ATF4: variants seen among roughly 807,000 people sequenced by gnomAD.
ATF4 encodes the protein cyclic AMP-dependent transcription factor ATF-4.
A neutral mutation model predicts 21.0 loss-of-function variants in ATF4; 8 were observed. The ratio of observed to expected loss-of-function variants is 0.38; its 90% CI spans 0.22 to 0.69. The LOEUF (loss-of-function observed/expected upper bound fraction) is 0.69, where lower values mean the gene tolerates loss of function less well. ATF4 is among the 30% of genes least tolerant of loss of function. ATF4 has a pLI of 0.49. For synonymous variants in ATF4, 241 were observed against 166.4 expected (o/e 1.45, Z -3.45); for missense variants, 549 against 425.9 (o/e 1.29, Z -2.54).
chr22:39,520,999 T>A (rs866015097), intron 1 of ATF4: 1 of 155,340 alleles, frequency 6.4e-6, no homozygotes, highest in African/African-American at 2.4e-5. Context: ...CCCGCAAGGG[T>A]CCCAGGGGTC....
Position 39,522,266 on chromosome 22 carries a change from C to G in ATF4, c.720C>G (p.Gly240=), listed in dbSNP as rs1240837629. 2 of 1,607,222 alleles carry G rather than the reference C, an allele frequency of 1.2e-6. No homozygotes were observed. The highest frequency in any genetic ancestry group is 1.3e-5 in the African/African-American group (1 of 74,358). The change falls in exon 3 of 3, where the codon GGC becomes GGG. Residue 240 remains glycine (G), a synonymous_variant. Coordinates refer to ENST00000674920, the MANE Select transcript of ATF4 (RefSeq NM_182810.3). ...CTCAGCACAGCCCCTCTACCAGGGG[C>G]TCTCCAAATAGGAGCCTCCCATCTC... The part of the protein sequence containing the change: ...GSPQHSPSTR[G]SPNRSLPSPG...
rs528891567 is a variant in ATF4 at position 39,522,683 on chromosome 22, A to G, written c.*81A>G. On this transcript the variant is annotated 3_prime_UTR_variant, in exon 3 of 3. Transcript: ENST00000674920. Reference sequence around the variant, plus strand: ...TTCCAATAAATTATTTTGTAGGGAAAGTACTTGTGCGTTTGAATTCCTTTC... The same window carrying G: ...TTCCAATAAATTATTTTGTAGGGAAGGTACTTGTGCGTTTGAATTCCTTTC... 19 of 1,304,052 alleles carry G rather than the reference A, an allele frequency of 1.5e-5. No individual in the cohort carries two copies. The East Asian group carries it at 4.6e-4, about 31-fold the overall frequency. 80.8% of individuals were successfully genotyped at this position (1,304,052 alleles called of 1,614,324 possible). A position where few individuals can be genotyped will look rare whatever the true frequency, so the allele number is the denominator to read the frequency against.
chr22:39,521,278 C>T lies in ATF4; in HGVS notation c.-92-76C>T, dbSNP rs140650335. ...TCTAGATGGCCGATCTAGAGAAGTC[C>T]CGCCTCATAAGTGGAAGGATGAAAT... On this transcript the variant is annotated intron_variant, in intron 1 of 2. Coordinates refer to ENST00000674920, the MANE Select transcript of ATF4 (RefSeq NM_182810.3). 47 of 573,954 alleles carry T rather than the reference C, an allele frequency of 8.2e-5. No homozygotes were observed. In the East Asian group the frequency reaches 1.1e-3, roughly 13 times the overall value. 35.6% of individuals were successfully genotyped at this position (573,954 alleles called of 1,614,324 possible). A position where few individuals can be genotyped will look rare whatever the true frequency, so the allele number is the denominator to read the frequency against.
At position 39,521,942 on chromosome 22, in the gene ATF4, G is replaced by A. The variant is rs758837809; in HGVS notation, c.396G>A (p.Lys132=). The A allele has an allele frequency of 3.7e-6, 6 of 1,613,332 alleles. No homozygotes were observed. The East Asian group carries it at 8.9e-5, about 24-fold the overall frequency. ...LFAPLVQETN[K]QPPQTVNPIG... ...CCCCCCTAGTCCAGGAGACTAATAA[G>A]CAGCCCCCCCAGACGGTGAACCCAA... The change falls in exon 3 of 3, where the codon AAG becomes AAA. Residue 132 remains lysine, a synonymous_variant. Transcript: ENST00000674920.
Position 39,521,965 on chromosome 22 carries a change from C to G in ATF4, c.419C>G (p.Pro140Arg), listed in dbSNP as rs750690606. ...TNKQPPQTVNPIGHLPESLTK... is the reference protein window; with the variant it reads ...TNKQPPQTVNRIGHLPESLTK... The stretch of plus-strand genomic sequence containing the variant: ...AAGCAGCCCCCCCAGACGGTGAACC[C>G]AATTGGCCATCTCCCAGAAAGTTTA... The change falls in exon 3 of 3, where the codon CCA becomes CGA. Residue 140 changes from proline to arginine, a missense_variant. Transcript: ENST00000674920. 5.0e-6 allele frequency: 8 copies of G among 1,613,256 alleles called. No individual in the cohort carries two copies. The highest frequency in any genetic ancestry group is 6.8e-6 in the Non-Finnish European group (8 of 1,179,720).
In ATF4 at chr22:39,522,599, C is replaced by G. The variant is rs765439697; in HGVS notation, c.1053C>G (p.Pro351=). Residue 351 remains proline (P), a synonymous_variant, in exon 3 of 3, where the codon CCC becomes CCG. Coordinates refer to ENST00000674920, the MANE Select transcript of ATF4 (RefSeq NM_182810.3). ...VRKARGKKRV[P] is the part of the protein sequence containing the mutation. ...AGGCAAGGGGGAAGAAAAGGGTCCCCTAGTTGAGGATAGTCAGGAGCGTCA... is the reference window on the plus strand; with the variant it reads ...AGGCAAGGGGGAAGAAAAGGGTCCCGTAGTTGAGGATAGTCAGGAGCGTCA... 1.3e-6 allele frequency: 2 copies of G among 1,533,334 alleles called. No individual in the cohort carries two copies. The highest frequency in any genetic ancestry group is 1.7e-6 in the Non-Finnish European group (2 of 1,145,352). The allele number at this position is 1,533,334 out of a possible 1,614,324, so 95.0% of individuals were successfully genotyped here.
rs148568771 is a variant in ATF4, at chr22:39,521,859, C to G, written c.313C>G (p.Leu105Val). Residue 105 changes from leucine to valine, a missense_variant, in exon 3 of 3, where the codon CTG becomes GTG. Physicochemically the swap from Leu to Val is conservative, Grantham distance 32. Coordinates refer to ENST00000674920, the MANE Select transcript of ATF4 (RefSeq NM_182810.3). Reference protein sequence around the residue: ...DLDALLGIDDLETMPDDLLTT... With the variant: ...DLDALLGIDDVETMPDDLLTT... ...GGATGCCCTGTTGGGTATAGATGACCTGGAAACCATGCCAGATGACCTTCT... is the reference window on the plus strand; with the variant it reads ...GGATGCCCTGTTGGGTATAGATGACGTGGAAACCATGCCAGATGACCTTCT... 59 of 1,614,112 alleles carry G rather than the reference C, an allele frequency of 3.7e-5. No homozygotes were observed. The highest frequency in any genetic ancestry group is 4.8e-5 in the Non-Finnish European group (57 of 1,180,052).
Position 39,522,087 on chromosome 22 carries a change from G to C in ATF4, c.541G>C (p.Glu181Gln), listed in dbSNP as rs536072398. 3 of 1,613,908 alleles carry C rather than the reference G, an allele frequency of 1.9e-6. No individual in the cohort carries two copies. The highest frequency in any genetic ancestry group is 4.5e-5 in the East Asian group (2 of 44,886). The change falls in exon 3 of 3, where the codon GAG (glutamate) becomes CAG (glutamine). Residue 181 changes from glutamate to glutamine, a missense_variant. By Grantham distance (29) the Glu-to-Gln change is conservative. Transcript: ENST00000674920. ...CACTCCAGATCATTCCTTTAGTTTA[G>C]AGCTGGGCAGTGAAGTGGATATCAC... Reference protein sequence around the residue: ...SSTPDHSFSLELGSEVDITEG... With the variant: ...SSTPDHSFSLQLGSEVDITEG...
Position 39,521,784 on chromosome 22 carries a change from T to G in ATF4, c.238T>G (p.Ser80Ala). ...CAAATGTTTTGCAGAGGATGCCTTC[T>G]CCGGGACAGATTGGATGTTGGAGAA... The part of the protein sequence containing the change: ...PSNNSKEDAF[S>A]GTDWMLEKMD... The change falls in exon 3 of 3, where the codon TCC becomes GCC. Residue 80 changes from serine to alanine, a missense_variant. Transcript: ENST00000674920. 6.2e-7 allele frequency: 1 copy of G among 1,614,022 alleles called. No individual in the cohort carries two copies. The highest frequency in any genetic ancestry group is 8.5e-7 in the Non-Finnish European group (1 of 1,179,924).
rs757658895 is a variant in ATF4, at chr22:39,521,468, G to C, written c.23G>C (p.Ser8Thr). Reference sequence around the variant, plus strand: ...AACATGACCGAAATGAGCTTCCTGAGCAGCGAGGTGTTGGTGGGGGACTTG... The same window carrying C: ...AACATGACCGAAATGAGCTTCCTGACCAGCGAGGTGTTGGTGGGGGACTTG... MTEMSFLSSEVLVGDLMS... is the reference protein window; with the variant it reads MTEMSFLTSEVLVGDLMS... The change falls in exon 2 of 3, where the codon AGC (serine) becomes ACC (threonine). Residue 8 changes from serine (S) to threonine (T), a missense_variant. Ser to Thr is a moderately conservative substitution (Grantham distance 58, BLOSUM62 1). Transcript: ENST00000674920. The C allele has an allele frequency of 3.3e-5, 51 of 1,559,866 alleles. No homozygotes were observed. The highest frequency in any genetic ancestry group is 4.3e-5 in the Non-Finnish European group (50 of 1,151,646).
chr22:39,522,348 A>C lies in ATF4; in HGVS notation c.802A>C (p.Met268Leu). The change falls in exon 3 of 3, where the codon ATG (methionine) becomes CTG (leucine). Residue 268 changes from methionine (M) to leucine (L), a missense_variant. Physicochemically the swap from Met to Leu is conservative, Grantham distance 15. Transcript: ENST00000674920. The part of the protein sequence containing the change: ...PKPYDPPGEK[M>L]VAAKVKGEKL... ...ACCTTACGATCCTCCTGGAGAGAAG[A>C]TGGTAGCAGCAAAAGTAAAGGGTGA... 6.2e-7 allele frequency: 1 copy of C among 1,613,000 alleles called. No homozygotes were observed. The highest frequency in any genetic ancestry group is 8.5e-7 in the Non-Finnish European group (1 of 1,179,502).
At chr22:39,521,736 C>G in intron 2 of ATF4, 37 bp from the exon 3 acceptor site, 4 of 1,610,334 alleles carry the variant, frequency 2.5e-6, no homozygotes, top group African/African-American at 1.3e-5. Context: ...ACCTTTGTAT[C>G]TGACTCACTT....
rs760943141 is a variant in ATF4, at chr22:39,521,519, T to G, written c.74T>G (p.Leu25Trp). ...ATGTCCCCCTTCGACCAGTCGGGTT[T>G]GGGGGCTGAAGAAAGCCTAGGTCTC... ...DLMSPFDQSG[L>W]GAEESLGLLD... The change falls in exon 2 of 3, where the codon TTG (leucine) becomes TGG (tryptophan). Residue 25 changes from leucine (L) to tryptophan (W), a missense_variant. By Grantham distance (61) the Leu-to-Trp change is moderately conservative (BLOSUM62 -2). Coordinates refer to ENST00000674920, the MANE Select transcript of ATF4 (RefSeq NM_182810.3). The G allele has an allele frequency of 1.6e-5, 25 of 1,609,838 alleles. No individual in the cohort carries two copies. Among genetic ancestry groups the G allele is most frequent in the East Asian group, 2.2e-5 (1 of 44,816 alleles).
rs1401972732 is a variant in ATF4, at chr22:39,521,650, A to C, written c.205A>C (p.Ser69Arg). 1 of 1,614,058 alleles carries C rather than the reference A, an allele frequency of 6.2e-7. No individual in the cohort carries two copies. Among genetic ancestry groups the C allele is most frequent in the Admixed American group, 1.7e-5 (1 of 60,014 alleles). ...SEWLAVDGLV[S>R]PSNNSKEDAF... Reference sequence around the variant, plus strand: ...ATGGCTGGCTGTGGATGGGTTGGTCAGTCCCTCCAACAACAGCAAGGGTGA... The same window carrying C: ...ATGGCTGGCTGTGGATGGGTTGGTCCGTCCCTCCAACAACAGCAAGGGTGA... Residue 69 changes from serine to arginine, a missense_variant, in exon 2 of 3, where the codon AGT (serine) becomes CGT (arginine). Physicochemically the swap from Ser to Arg is moderately radical, Grantham distance 110. Coordinates refer to ENST00000674920, the MANE Select transcript of ATF4 (RefSeq NM_182810.3).
rs970788338 is a variant in ATF4, at chr22:39,521,424, G to T, written c.-22G>T. The T allele has an allele frequency of 6.6e-7, 1 of 1,516,932 alleles. No homozygotes were observed. Among genetic ancestry groups the T allele is most frequent in the Non-Finnish European group, 8.8e-7 (1 of 1,131,732 alleles). The allele number at this position is 1,516,932 out of a possible 1,614,324, so 94.0% of individuals were successfully genotyped here. ...CACCTTCGAATTAAGCACATTCCTC[G>T]ATTCCAGCAAAGCACCGCAACATGA... On this transcript the variant is annotated 5_prime_UTR_variant, in exon 2 of 3. Coordinates refer to ENST00000674920, the MANE Select transcript of ATF4 (RefSeq NM_182810.3).
intron 1 of ATF4, chr22:39,521,119 T>A (rs1036919598): frequency 5.6e-6 from 1 of 179,410 alleles, no homozygotes; most frequent in Non-Finnish European, 1.2e-5. Context: ...GCCCTGGCCG[T>A]ATTTGGACGT....
rs533796405 is a variant in ATF4, at chr22:39,521,684, C to A, written c.226+13C>A. ...AACAACAGCAAGGGTGAGTGGGCCA[C>A]CACCACATCGTCCTGGTGGGATCTA... On this transcript the variant is annotated intron_variant, in intron 2 of 2. Coordinates refer to ENST00000674920, the MANE Select transcript of ATF4 (RefSeq NM_182810.3). 1 of 1,612,054 alleles carries A rather than the reference C, an allele frequency of 6.2e-7. No individual in the cohort carries two copies. Among genetic ancestry groups the A allele is most frequent in the Non-Finnish European group, 8.5e-7 (1 of 1,178,616 alleles).
At chr22:39,521,142 C>G (rs1445471362) in intron 1 of ATF4, 2 of 203,184 alleles carry the variant, frequency 9.8e-6, no homozygotes, top group East Asian at 1.1e-4. Flanking sequence ...GGACGGAGCG[C>G]TTTCCTCTTG....
At chr22:39,521,279 C>T (rs1215352199) in intron 1 of ATF4, 75 bp from the exon 2 acceptor site, 3 of 577,454 alleles carry the variant, frequency 5.2e-6, no homozygotes, top group East Asian at 5.9e-5. Context: ...AGAGAAGTCC[C>T]GCCTCATAAG....
Sources: allele counts gnomAD v4.1 joint callset, GRCh38; gene constraint gnomAD v4.1.1; transcripts MANE v1.5; gene names NCBI Gene and HGNC (gene_info 2026-07-23, HGNC 2026-07-21).